PDE2A: variants seen among roughly 807,000 people sequenced by gnomAD.
PDE2A encodes cGMP-dependent 3',5'-cyclic phosphodiesterase.
Under a neutral mutation model 133.6 loss-of-function variants are expected in PDE2A, and 53 were observed. The ratio of observed to expected loss-of-function variants is 0.40; its 90% confidence interval spans 0.32 to 0.50. The LOEUF (loss-of-function observed/expected upper bound fraction) is 0.50. Among genes scored for constraint, PDE2A ranks in the 20% least tolerant of loss-of-function variants. The probability of loss-of-function intolerance (pLI) is 0.73; values close to 1 mark genes in which losing one functional copy is unlikely to be tolerated. For synonymous variants in PDE2A, 491 were observed against 490.2 expected (o/e 1.00, Z -0.02); for missense variants, 796 against 1,232.4 (o/e 0.65, Z 5.30).
intron 2 of PDE2A, chr11:72,631,164 C>A: frequency 1.3e-6 from 2 of 1,527,536 alleles, no homozygotes; most frequent in Non-Finnish European, 1.8e-6. Context: ...AGGTCAGGGG[C>A]TGAGGCCGGC....
chr11:72,661,776 A>G lies in PDE2A; in HGVS notation c.71+12361T>C, dbSNP rs187216301. 7.2e-5 allele frequency among the ~76,000 whole-genome samples: 11 copies of G among 152,352 alleles called. No homozygotes were observed. The East Asian group carries it at 2.1e-3, about 29-fold the overall frequency. Reference sequence around the variant, plus strand: ...TGGCATCTGTGTATACTTCAAGTGCAAGTGCTTCCCTGCGATGCGCCACAC... The same window carrying G: ...TGGCATCTGTGTATACTTCAAGTGCGAGTGCTTCCCTGCGATGCGCCACAC... On this transcript the variant is annotated intron_variant, in intron 1 of 30. Transcript: ENST00000334456.
intron 1 of PDE2A, among the ~76,000 whole-genome samples, chr11:72,642,708 C>G (rs1859014788): frequency 6.6e-6 from 1 of 152,096 alleles, no homozygotes; most frequent in African/African-American, 2.4e-5. Context: ...TCGCAGGGGC[C>G]GCTCTCAGAG....
intron 2 of PDE2A, among the ~76,000 whole-genome samples, chr11:72,626,751 C>T (rs894308418): frequency 1.4e-4 from 22 of 152,224 alleles, no homozygotes; most frequent in Non-Finnish European, 2.4e-4. Flanking sequence ...GTGCTACCCC[C>T]GCAGCTGGGC....
chr11:72,620,637 A>C (rs1038595128), intron 2 of PDE2A, among the ~76,000 whole-genome samples: 1 of 152,074 alleles, frequency 6.6e-6, no homozygotes, highest in Admixed American at 6.5e-5. Context: ...AGCTGCGGGT[A>C]TGGACTCCTA....
In PDE2A at chr11:72,582,613, T is replaced by C. The variant is rs1192130566; in HGVS notation, c.1729-47A>G. ...ATTAGAAGACAGCCTTCACCCCATC[T>C]GGTGTCTTCACCCTCAAATTCCCAT... On this transcript the variant is annotated intron_variant, in intron 20 of 30. Transcript: ENST00000334456. 6 of 1,560,604 alleles carry C rather than the reference T, an allele frequency of 3.8e-6. No homozygotes were observed. In the Admixed American group the frequency reaches 9.2e-5, roughly 24 times the overall value.
Position 72,674,322 on chromosome 11 carries a change from C to T in PDE2A, c.-115G>A. 5 of 997,132 alleles carry T rather than the reference C, an allele frequency of 5.0e-6. No homozygotes were observed. The highest frequency in any genetic ancestry group is 1.5e-5 in the South Asian group (1 of 65,546). The allele number at this position is 997,132 out of a possible 1,614,324, so 61.8% of individuals were successfully genotyped here. ...AGGCACAGGGACCAAGAGCAGTGGG[C>T]TGCCCCCTACTCAGCCTGGACTCAA... On this transcript the variant is annotated 5_prime_UTR_variant, in exon 1 of 31. Coordinates refer to ENST00000334456, the MANE Select transcript of PDE2A (RefSeq NM_002599.5).
rs1452023959 is a variant in PDE2A at position 72,589,789 on chromosome 11, T to C, written c.835A>G (p.Ile279Val). 2 of 1,613,846 alleles carry C rather than the reference T, an allele frequency of 1.2e-6. No individual in the cohort carries two copies. Among genetic ancestry groups the C allele is most frequent in the East Asian group, 2.2e-5 (1 of 44,866 alleles). Residue 279 changes from isoleucine (I) to valine (V), a missense_variant, in exon 11 of 31, where the codon ATC becomes GTC. Physicochemically the swap from Ile to Val is conservative, Grantham distance 29 (BLOSUM62 3). Around this residue, in one of 7 missense-constraint regions of PDE2A, gnomAD observed 417 missense variants for 475.3 expected, o/e 0.88. Coordinates refer to ENST00000334456, the MANE Select transcript of PDE2A (RefSeq NM_002599.5). ...EDNLQLSCKVIGDKVLGEEVS... is the reference protein window; with the variant it reads ...EDNLQLSCKVVGDKVLGEEVS... Reference sequence around the variant, plus strand: ...TCTTCCCCGAGCACTTTGTCTCCGATGACCTGAGGAACGGAGTGCAGGGGG... The same window carrying C: ...TCTTCCCCGAGCACTTTGTCTCCGACGACCTGAGGAACGGAGTGCAGGGGG...
chr11:72,635,895 G>T, intron 2 of PDE2A: 1 of 902,910 alleles, frequency 1.1e-6, no homozygotes, highest in Middle Eastern at 3.3e-4. Flanking sequence ...GTCTCCCTTT[G>T]CTCTCACTCC....
intron 1 of PDE2A, among the ~76,000 whole-genome samples, chr11:72,645,215 T>C (rs752226743): frequency 2.0e-5 from 3 of 152,324 alleles, no homozygotes; most frequent in South Asian, 2.1e-4. Flanking sequence ...AACTGTGCCA[T>C]AGACTTGCTG....
chr11:72,608,503 C>T (rs934260797), intron 3 of PDE2A, among the ~76,000 whole-genome samples, 159 bp downstream of exon 3: 3 of 152,200 alleles, frequency 2.0e-5, no homozygotes, highest in African/African-American at 7.2e-5. Context: ...AGAAAGCTGT[C>T]TCAGAACACC....
intron 1 of PDE2A, among the ~76,000 whole-genome samples, chr11:72,672,583 T>C (rs544843705): frequency 2.0e-5 from 3 of 152,286 alleles, no homozygotes; most frequent in East Asian, 1.9e-4. Flanking sequence ...CTAAGAGTCC[T>C]GGATCTTAAA....
chr11:72,672,415 G>C (rs1213065423), intron 1 of PDE2A, among the ~76,000 whole-genome samples: 2 of 152,210 alleles, frequency 1.3e-5, no homozygotes, highest in East Asian at 3.9e-4. Context: ...CAAACTCCTG[G>C]CCTCAAGTGA....
chr11:72,580,869 G>A lies in PDE2A; in HGVS notation c.2133+17C>T. The A allele has an allele frequency of 6.7e-7, 1 of 1,486,620 alleles. No individual in the cohort carries two copies. Among genetic ancestry groups the A allele is most frequent in the Non-Finnish European group, 9.4e-7 (1 of 1,063,506 alleles). The allele number at this position is 1,486,620 out of a possible 1,614,324, so 92.1% of individuals were successfully genotyped here. On this transcript the variant is annotated intron_variant, in intron 24 of 30. Coordinates refer to ENST00000334456, the MANE Select transcript of PDE2A (RefSeq NM_002599.5). ...ACCCCATGGAGGGTCCCCACTGTGAGCAGGGCAGGGTCTTACCGAGGCCAC... is the reference window on the plus strand; with the variant it reads ...ACCCCATGGAGGGTCCCCACTGTGAACAGGGCAGGGTCTTACCGAGGCCAC...
intron 19 of PDE2A, among the ~76,000 whole-genome samples, chr11:72,583,853 G>C (rs1168567021): frequency 6.6e-6 from 1 of 152,140 alleles, no homozygotes; most frequent in African/African-American, 2.4e-5. Context: ...GGATTCCCAG[G>C]CCAGAGCGCC....
At chr11:72,598,041 G>A (rs75551275) in intron 4 of PDE2A, among the ~76,000 whole-genome samples, 4 of 152,304 alleles carry the variant, frequency 2.6e-5, no homozygotes, top group African/African-American at 9.6e-5. Context: ...AACAATTGTT[G>A]ATCAGCTTTT....
In PDE2A at chr11:72,580,875, C is replaced by A. The variant is rs1243876949; in HGVS notation, c.2133+11G>T. 3 of 1,520,812 alleles carry A rather than the reference C, an allele frequency of 2.0e-6. No homozygotes were observed. The highest frequency in any genetic ancestry group is 2.7e-6 in the Non-Finnish European group (3 of 1,094,676). The allele number at this position is 1,520,812 out of a possible 1,614,324, so 94.2% of individuals were successfully genotyped here. On this transcript the variant is annotated intron_variant, in intron 24 of 30. Coordinates refer to ENST00000334456, the MANE Select transcript of PDE2A (RefSeq NM_002599.5). ...TGGAGGGTCCCCACTGTGAGCAGGG[C>A]AGGGTCTTACCGAGGCCACCTGGAA...
At chr11:72,642,454 C>A in intron 1 of PDE2A, 128 bp from the exon 2 acceptor site, 1 of 1,062,866 alleles carries the variant, frequency 9.4e-7, no homozygotes, top group Non-Finnish European at 1.2e-6. Flanking sequence ...GCCTGGTCCG[C>A]CCGAGTGTCC....
At position 72,614,838 on chromosome 11, in the gene PDE2A, G is replaced by T. The variant is rs1369477998; in HGVS notation, c.145-6087C>A. Among the ~76,000 whole-genome samples, 7 of 152,142 alleles carry T rather than the reference G, an allele frequency of 4.6e-5. No individual in the cohort carries two copies. In the East Asian group the frequency reaches 1.2e-3, roughly 25 times the overall value. On this transcript the variant is annotated intron_variant, in intron 2 of 30. Coordinates refer to ENST00000334456, the MANE Select transcript of PDE2A (RefSeq NM_002599.5). ...GTCCCAATGGAGGGGAGAGGCTGGGGGTGGAAGGACAGAGGGAGACTAGTG... is the reference window on the plus strand; with the variant it reads ...GTCCCAATGGAGGGGAGAGGCTGGGTGTGGAAGGACAGAGGGAGACTAGTG...
chr11:72,582,537 G>C lies in PDE2A; in HGVS notation c.1758C>G (p.Leu586=), dbSNP rs1855770317. 6.2e-7 allele frequency: 1 copy of C among 1,613,558 alleles called. No individual in the cohort carries two copies. Among genetic ancestry groups the C allele is most frequent in the East Asian group, 2.2e-5 (1 of 44,866 alleles). ...CAGCCACAGGCTGGATCCCATCATG[G>C]AGAAGTTTGGTATACTCATCATCGG... The part of the protein sequence containing the change: ...KVSDDEYTKL[L]HDGIQPVAAI... The change falls in exon 21 of 31, where the codon CTC becomes CTG. Residue 586 remains leucine (L), a synonymous_variant. Transcript: ENST00000334456.
Sources: allele counts gnomAD v4.1 joint callset (sites outside exome capture counted in the v4.1 genomes callset), GRCh38; gene constraint gnomAD v4.1.1; regional missense constraint gnomAD v4.1.1; transcripts MANE v1.5; gene names NCBI Gene and HGNC (gene_info 2026-07-23, HGNC 2026-07-21).